The following XRRA1 variants were observed in gnomAD, a reference collection of about 807,000 sequenced individuals.
The protein encoded by XRRA1 is X-ray radiation resistance associated 1.
Under a neutral mutation model 80.2 loss-of-function variants are expected in XRRA1, and 69 were observed. That is an observed-to-expected ratio of 0.86 (90% CI 0.71 to 1.05). XRRA1 has a LOEUF of 1.05. Ranked by LOEUF, XRRA1 falls within the 50% of genes least tolerant of loss-of-function variation. The probability of loss-of-function intolerance (pLI) is 0.00; values close to 1 mark genes in which losing one functional copy is unlikely to be tolerated. For synonymous variants in XRRA1, 348 were observed against 389.9 expected, an observed-to-expected ratio of 0.89 and a Z score of 1.27; for missense variants, 967 against 976.4, an observed-to-expected ratio of 0.99 and a Z score of 0.13.
At chr11:74,889,744 G>C (rs532507358) in intron 10 of XRRA1, among the ~76,000 whole-genome samples, 2 of 152,056 alleles carry the variant, frequency 1.3e-5, no homozygotes, top group South Asian at 4.1e-4. Flanking sequence ...AAAAGGCAGG[G>C]GTTGCAATTC....
At chr11:74,885,375 C>CAATT (rs1398649139) in intron 10 of XRRA1, among the ~76,000 whole-genome samples, 3 of 151,982 alleles carry the variant, frequency 2.0e-5, no homozygotes, top group Admixed American at 2.0e-4. Flanking sequence ...CAAATAAAAA[C>CAATT]AATTAGATAT....
At chr11:74,877,299 T>G (rs946452611) in intron 10 of XRRA1, among the ~76,000 whole-genome samples, 2 of 152,172 alleles carry the variant, frequency 1.3e-5, no homozygotes, top group Non-Finnish European at 2.9e-5. Context: ...TATGTTTTTT[T>G]TCAAAGAAAA....
chr11:74,870,566 C>A (rs473080), intron 10 of XRRA1, among the ~76,000 whole-genome samples: 58,193 of 152,044 alleles, frequency 0.38, 12,534 homozygotes, highest in Non-Finnish European at 0.5. Context: ...AAAGGATTGC[C>A]ATTTTTGTGA....
intron 6 of XRRA1, 27 bp from the exon 7 acceptor site, chr11:74,927,515 C>A: frequency 6.8e-7 from 1 of 1,462,784 alleles, no homozygotes; most frequent in Non-Finnish European, 9.6e-7. Context: ...AAGAGAGAGT[C>A]TGCAGCTTGT....
At chr11:74,883,247 G>A (rs931348131) in intron 10 of XRRA1, among the ~76,000 whole-genome samples, 1 of 152,262 alleles carries the variant, frequency 6.6e-6, no homozygotes, top group East Asian at 1.9e-4. Context: ...GAAAAGCGCA[G>A]TATTTGGGTG....
At chr11:74,947,377 T>C (rs144860249) in intron 1 of XRRA1, among the ~76,000 whole-genome samples, 9 of 151,900 alleles carry the variant, frequency 5.9e-5, no homozygotes, top group South Asian at 2.1e-4. Context: ...AATATAAAAA[T>C]TAGCCAGGTG....
At chr11:74,900,114 G>A (rs1219540321) in intron 10 of XRRA1, among the ~76,000 whole-genome samples, 7 of 150,894 alleles carry the variant, frequency 4.6e-5, no homozygotes, top group East Asian at 2.0e-4. Flanking sequence ...GCAGTGAGCC[G>A]AGAAACCGCC....
chr11:74,933,523 T>C (rs1207427289), intron 5 of XRRA1: 8 of 252,326 alleles, frequency 3.2e-5, no homozygotes, highest in Non-Finnish European at 6.3e-5. Context: ...CCCAAAGTGC[T>C]GGGATTACAG....
chr11:74,847,256 A>G (rs1031032847), intron 15 of XRRA1, among the ~76,000 whole-genome samples: 5 of 152,246 alleles, frequency 3.3e-5, no homozygotes, highest in African/African-American at 7.2e-5. Context: ...ATGGAGAGTT[A>G]GACCTCCATG....
At chr11:74,866,088 A>T (rs929215891) in intron 10 of XRRA1, among the ~76,000 whole-genome samples, 1 of 152,218 alleles carries the variant, frequency 6.6e-6, no homozygotes, top group Non-Finnish European at 1.5e-5. Context: ...CAAGGCACGG[A>T]TATCATCACA....
intron 2 of XRRA1, among the ~76,000 whole-genome samples, chr11:74,941,481 A>G (rs897904671): frequency 3.9e-5 from 6 of 152,318 alleles, no homozygotes; most frequent in Non-Finnish European, 5.9e-5. Context: ...GCAGCTGTGC[A>G]CAGTAAAGAA....
In XRRA1 at chr11:74,844,258, C is replaced by T; in HGVS notation, c.1953G>A (p.Leu651=). The T allele has an allele frequency of 1.2e-6, 2 of 1,613,346 alleles. No individual in the cohort carries two copies. The highest frequency in any genetic ancestry group is 1.1e-5 in the South Asian group (1 of 91,042). The change falls in exon 17 of 19, where the codon CTG becomes CTA. Residue 651 remains leucine, a synonymous_variant. Transcript: ENST00000684022. The stretch of plus-strand genomic sequence containing the variant: ...GGAGTGGGTGCTTCAGCATTTGTTG[C>T]AGGGCTTGTGCATTCTTCTGGATTC... ...PKGIQKNAQA[L]QQMLKHPLLC... is the part of the protein sequence containing the mutation.
rs145125361 is a variant in XRRA1, at chr11:74,927,281, C to G, written c.522+110G>C. The G allele has an allele frequency of 1.3e-4, 52 of 389,410 alleles. No individual in the cohort carries two copies. The East Asian group carries it at 2.0e-3, about 15-fold the overall frequency. The allele number at this position is 389,410 out of a possible 1,614,324, so 24.1% of individuals were successfully genotyped here. On this transcript the variant is annotated intron_variant, in intron 7 of 18. Transcript: ENST00000684022. The stretch of plus-strand genomic sequence containing the variant: ...GGCCAGCAATGAAGCAAGGGCCTGG[C>G]TGTACAGGCCCAGCAAGCCCCTTCC...
chr11:74,897,645 G>A (rs756966982), intron 10 of XRRA1, among the ~76,000 whole-genome samples: 1 of 150,148 alleles, frequency 6.7e-6, no homozygotes, highest in Non-Finnish European at 1.5e-5. Context: ...ATATCTGGCA[G>A]GAGGCTTTTC....
Position 74,841,542 on chromosome 11 carries a change from A to AAAT in XRRA1, c.*1655_*1657dup, listed in dbSNP as rs989494845. ...CAGTATTTTTTTCCTCTTAAGAAAA[A>AAAT]AATTTACTCTCTCTCCTTTGTGAGT... is the stretch of plus-strand genomic sequence containing the variant. On this transcript the variant is annotated 3_prime_UTR_variant, in exon 19 of 19. Coordinates refer to ENST00000684022, the MANE Select transcript of XRRA1 (RefSeq NM_001378157.1). 40 of 152,250 alleles carry AAAT rather than the reference A, an allele frequency of 2.6e-4. No homozygotes were observed. Among genetic ancestry groups the AAAT allele is most frequent in the African/African-American group, 9.1e-4 (38 of 41,542 alleles). 9.4% of individuals were successfully genotyped at this position (152,250 alleles called of 1,614,324 possible).
intron 14 of XRRA1, among the ~76,000 whole-genome samples, chr11:74,850,052 T>C (rs2039371151): frequency 1.3e-5 from 2 of 152,216 alleles, no homozygotes; most frequent in African/African-American, 4.8e-5. Flanking sequence ...AGCATTGATT[T>C]GTTTCTCATT....
At chr11:74,871,656 A>G (rs1340035400) in intron 10 of XRRA1, among the ~76,000 whole-genome samples, 2 of 151,982 alleles carry the variant, frequency 1.3e-5, no homozygotes, top group Non-Finnish European at 2.9e-5. Context: ...CAACTGTGCC[A>G]TCAGCTCCTC....
chr11:74,848,604 G>A, intron 14 of XRRA1, 142 bp from the exon 15 acceptor site: 1 of 717,406 alleles, frequency 1.4e-6, no homozygotes, highest in Non-Finnish European at 2.3e-6. Context: ...AATCATACTT[G>A]TTGGGCATCT....
At chr11:74,923,751 C>G (rs1403556901) in intron 7 of XRRA1, among the ~76,000 whole-genome samples, 2 of 152,226 alleles carry the variant, frequency 1.3e-5, no homozygotes, top group Non-Finnish European at 2.9e-5. Context: ...GTCTCAGTCT[C>G]TATTCCAGCC....
Sources: gnomAD v4.1 joint callset for allele counts (sites outside exome capture counted in the v4.1 genomes callset) on GRCh38, gnomAD v4.1.1 for gene constraint, MANE v1.5 for transcripts, NCBI Gene and HGNC (gene_info 2026-07-23, HGNC 2026-07-21) for gene names.